Variants in NTRK3 observed in about 807,000 individuals in gnomAD.
NTRK3 encodes the protein NT-3 growth factor receptor.
Under a neutral mutation model 91.7 loss-of-function variants are expected in NTRK3, and 24 were observed. That is an observed-to-expected ratio of 0.26 (90% CI 0.19 to 0.37). NTRK3 has a LOEUF of 0.37. NTRK3 is among the 10% of genes least tolerant of loss of function. NTRK3 has a pLI of 1.00. For synonymous variants in NTRK3, 483 were observed against 404.0 expected, an observed-to-expected ratio of 1.20 and a Z score of -2.34; for missense variants, 880 against 1,068.9, an observed-to-expected ratio of 0.82 and a Z score of 2.46.
chr15:88,132,425 T>C (rs775728308), intron 10 of NTRK3, among the ~76,000 whole-genome samples: 1 of 152,192 alleles, frequency 6.6e-6, no homozygotes, highest in South Asian at 2.1e-4. Flanking sequence ...GAAGTGATTG[T>C]CCTCCATCTA....
intron 17 of NTRK3, chr15:87,885,735 G>T: frequency 1.5e-6 from 2 of 1,299,636 alleles, no homozygotes; most frequent in Non-Finnish European, 2.0e-6. Context: ...GGATTAAAGA[G>T]CTAAACATAA....
rs17823363 is a variant in NTRK3, at chr15:87,859,862, A to G, written c.*17073T>C. On this transcript the variant is annotated 3_prime_UTR_variant, in exon 19 of 19. Coordinates refer to ENST00000394480, the Ensembl canonical transcript of NTRK3. ...AAATGGAGTTGTTAACATAACATTG[A>G]AGATATGATACTATGAGAAAGACAG... 3.6e-3 allele frequency: 652 copies of G among 181,546 alleles called. 6 individuals are homozygous for G. Among genetic ancestry groups the G allele is most frequent in the Non-Finnish European group, 4.0e-3 (336 of 85,016 alleles). 11.2% of individuals were successfully genotyped at this position (181,546 alleles called of 1,614,324 possible). A position where few individuals can be genotyped will look rare whatever the true frequency, so the allele number is the denominator to read the frequency against.
chr15:87,986,804 A>G (rs2074841272), intron 14 of NTRK3, among the ~76,000 whole-genome samples: 1 of 152,252 alleles, frequency 6.6e-6, no homozygotes, highest in Non-Finnish European at 1.5e-5. Context: ...AACTTATCCT[A>G]TAAAGGACCA....
At chr15:87,915,913 A>G (rs960921289) in intron 17 of NTRK3, among the ~76,000 whole-genome samples, 7 of 152,188 alleles carry the variant, frequency 4.6e-5, no homozygotes, top group East Asian at 1.9e-4. Context: ...CAGTGATTCA[A>G]TTGAATATCT....
At chr15:87,965,597 G>C (rs549378499) in intron 14 of NTRK3, among the ~76,000 whole-genome samples, 6 of 152,196 alleles carry the variant, frequency 3.9e-5, no homozygotes, top group Admixed American at 2.6e-4. Context: ...CAGGCAGCCC[G>C]AGGTCACCAA....
chr15:88,104,296 G>C (rs911176847), intron 13 of NTRK3, among the ~76,000 whole-genome samples: 2 of 152,210 alleles, frequency 1.3e-5, no homozygotes, highest in Non-Finnish European at 2.9e-5. Context: ...GTAGATTATA[G>C]TTTTAAAGTA....
rs567459378 is a variant in NTRK3, at chr15:88,240,819, G to A, written c.248+15087C>T. On this transcript the variant is annotated intron_variant, in intron 3 of 18. Coordinates refer to ENST00000394480, the Ensembl canonical transcript of NTRK3. The surrounding 1 kb of genome is among the most constrained non-coding windows in gnomAD (Gnocchi z 4.9). ...ACAGCATTTGCTGTCACTGTGATGA[G>A]CTCAGTTTTCTCTAGAAGATTCCTC... Among the ~76,000 whole-genome samples the A allele has an allele frequency of 1.2e-4, 18 of 152,364 alleles. No individual in the cohort carries two copies. The highest frequency in any genetic ancestry group is 4.3e-4 in the African/African-American group (18 of 41,590).
chr15:88,091,086 G>C (rs976030684), intron 13 of NTRK3, among the ~76,000 whole-genome samples: 2 of 152,160 alleles, frequency 1.3e-5, no homozygotes, highest in East Asian at 1.9e-4. Flanking sequence ...GGAGTGGAGC[G>C]GCTGACCTCT....
At chr15:88,198,824 C>T (rs8027591) in intron 3 of NTRK3, among the ~76,000 whole-genome samples, 7,564 of 152,086 alleles carry the variant, frequency 0.05, 602 homozygotes, top group African/African-American at 0.17. Context: ...AGGTCCAATG[C>T]CAAGGGCCCA....
chr15:87,955,369 G>C (rs1016309427), intron 14 of NTRK3, among the ~76,000 whole-genome samples: 2 of 152,214 alleles, frequency 1.3e-5, no homozygotes, highest in African/African-American at 2.4e-5. Flanking sequence ...TTTAACTGGG[G>C]CCTTTGCTCA....
rs200993732 is a variant in NTRK3 at position 88,033,287 on chromosome 15, T to G, written c.1397-242A>C. 1.6e-4 allele frequency among the ~76,000 whole-genome samples: 24 copies of G among 147,084 alleles called. No individual in the cohort carries two copies. The East Asian group carries it at 4.6e-3, about 28-fold the overall frequency. ...TATCAGATATACATGGCTTACAATTTTTTTTCCATTCTATAGGTTGCCTTT... is the reference window on the plus strand; with the variant it reads ...TATCAGATATACATGGCTTACAATTGTTTTTCCATTCTATAGGTTGCCTTT... On this transcript the variant is annotated intron_variant, in intron 13 of 18. Transcript: ENST00000394480.
At chr15:87,878,200 AAAG>A (rs2065040383) in intron 18 of NTRK3, among the ~76,000 whole-genome samples, 1 of 152,222 alleles carries the variant, frequency 6.6e-6, no homozygotes, top group Non-Finnish European at 1.5e-5. Flanking sequence ...ATAAAAATAC[AAAG>A]AATAATCTCT....
At chr15:88,169,991 G>A (rs553894435) in intron 5 of NTRK3, among the ~76,000 whole-genome samples, 71 of 152,266 alleles carry the variant, frequency 4.7e-4, no homozygotes, top group African/African-American at 1.7e-3. Context: ...TCTACACGCT[G>A]TCTCCCTCTT....
chr15:88,094,777 T>C (rs1380130342), intron 13 of NTRK3, among the ~76,000 whole-genome samples: 1 of 152,210 alleles, frequency 6.6e-6, no homozygotes, highest in East Asian at 1.9e-4. Context: ...TGTCCCTCCT[T>C]AAACACTTGA....
intron 13 of NTRK3, among the ~76,000 whole-genome samples, chr15:88,081,710 C>G (rs1057055249): frequency 6.6e-6 from 1 of 152,222 alleles, no homozygotes; most frequent in Non-Finnish European, 1.5e-5. Context: ...AAAGTGGTCT[C>G]TCCATAAATG....
At chr15:88,001,853 C>T (rs1178631405) in intron 14 of NTRK3, among the ~76,000 whole-genome samples, 1 of 152,080 alleles carries the variant, frequency 6.6e-6, no homozygotes, top group Non-Finnish European at 1.5e-5. Flanking sequence ...TTAGGATCAG[C>T]ATGTCAATTT....
At chr15:88,112,794 G>A (rs547236134) in intron 13 of NTRK3, among the ~76,000 whole-genome samples, 35 of 152,232 alleles carry the variant, frequency 2.3e-4, no homozygotes, top group African/African-American at 5.8e-4. Flanking sequence ...ACTCTCCCCC[G>A]CTTCAAGAAA....
At chr15:88,148,378 C>T (rs1197044229) in intron 5 of NTRK3, among the ~76,000 whole-genome samples, 2 of 152,154 alleles carry the variant, frequency 1.3e-5, no homozygotes, top group Non-Finnish European at 2.9e-5. Context: ...ATTCAAGTTA[C>T]AGATGAATAA....
chr15:87,887,949 CA>C (rs2065642603), intron 17 of NTRK3, among the ~76,000 whole-genome samples: 1 of 152,008 alleles, frequency 6.6e-6, no homozygotes, highest in African/African-American at 2.4e-5. Context: ...CCCAAGCTCT[CA>C]ATGAGATAAT....
Sources: gnomAD v4.1 joint callset for allele counts (sites outside exome capture counted in the v4.1 genomes callset) on GRCh38, gnomAD v4.1.1 for gene constraint, Gnocchi (gnomAD v3.1) non-coding constraint, MANE v1.5 for transcripts, NCBI Gene and HGNC (gene_info 2026-07-23, HGNC 2026-07-21) for gene names.